Variants in WDR59 observed in about 807,000 individuals in gnomAD.
WDR59 encodes the protein WD repeat domain 59, also known as GATOR2 complex protein WDR59.
In WDR59, 100 loss-of-function variants were observed where a neutral mutation model predicts 131.2. That is an observed-to-expected ratio of 0.76 (90% confidence interval 0.65 to 0.90). The LOEUF is 0.90. Ranked by LOEUF, WDR59 falls within the 40% of genes least tolerant of loss-of-function variation. WDR59 has a pLI of 0.00. For missense variants in WDR59, 1,203 were observed against 1,262.2 expected (o/e 0.95, Z 0.71); for synonymous variants, 601 against 466.2 (o/e 1.29, Z -3.72).
intron 1 of WDR59, among the ~76,000 whole-genome samples, chr16:74,975,368 C>CA (rs1329046629): frequency 3.1e-4 from 45 of 145,942 alleles, no homozygotes; most frequent in South Asian, 2.0e-3. Flanking sequence ...CAAAAAACAA[C>CA]AAAAAAAAAC....
intron 10 of WDR59, among the ~76,000 whole-genome samples, chr16:74,918,593 T>C (rs1966503097): frequency 6.6e-6 from 1 of 152,238 alleles, no homozygotes; most frequent in Non-Finnish European, 1.5e-5. Flanking sequence ...GACTGAATCA[T>C]ATTTTCATCT....
At chr16:74,927,623 A>T (rs1393664589) in intron 8 of WDR59, among the ~76,000 whole-genome samples, 1 of 151,096 alleles carries the variant, frequency 6.6e-6, no homozygotes, top group Non-Finnish European at 1.5e-5. Flanking sequence ...TCCAGGAAGA[A>T]AATAAAAAAA....
At chr16:74,950,861 A>G (rs1468867120) in intron 4 of WDR59, among the ~76,000 whole-genome samples, 1 of 151,968 alleles carries the variant, frequency 6.6e-6, no homozygotes, top group Non-Finnish European at 1.5e-5. Flanking sequence ...TCCTATGTTG[A>G]AAATCAGCTC....
chr16:74,890,387 G>C (rs966930947), intron 20 of WDR59, among the ~76,000 whole-genome samples: 31 of 152,152 alleles, frequency 2.0e-4, no homozygotes, highest in Non-Finnish European at 4.4e-5. Flanking sequence ...CTGGACTCAA[G>C]TGATCCACCT....
chr16:74,911,177 T>C (rs563317294), intron 14 of WDR59, among the ~76,000 whole-genome samples: 2 of 152,206 alleles, frequency 1.3e-5, no homozygotes, highest in South Asian at 2.1e-4. Context: ...GTCTGATTTT[T>C]CACACACAAA....
chr16:74,955,809 A>G (rs2033262720), intron 3 of WDR59, among the ~76,000 whole-genome samples: 1 of 151,622 alleles, frequency 6.6e-6, no homozygotes, highest in African/African-American at 2.4e-5. Context: ...AAAAAGAGCA[A>G]AAAGTTTAGA....
chr16:74,896,957 G>A (rs992754851), intron 18 of WDR59, among the ~76,000 whole-genome samples: 3 of 152,144 alleles, frequency 2.0e-5, no homozygotes, highest in African/African-American at 7.2e-5. Context: ...TTTGAACACA[G>A]GCCTGTCAGG....
chr16:74,969,929 G>A (rs2033915568), intron 1 of WDR59, among the ~76,000 whole-genome samples: 1 of 151,598 alleles, frequency 6.6e-6, no homozygotes, highest in Non-Finnish European at 1.5e-5. Flanking sequence ...GTGGGATTTT[G>A]GGGGGTTTTC....
intron 19 of WDR59, among the ~76,000 whole-genome samples, 184 bp from the exon 20 acceptor site, chr16:74,892,749 T>G (rs1843473399): frequency 6.6e-6 from 1 of 152,222 alleles, no homozygotes; most frequent in South Asian, 2.1e-4. Context: ...GAGCTGAAGC[T>G]AATACATCTG....
chr16:74,959,459 C>A (rs2033459657), intron 2 of WDR59: 1 of 435,282 alleles, frequency 2.3e-6, no homozygotes, highest in Non-Finnish European at 4.5e-6. Flanking sequence ...GGGACTAATG[C>A]AACAGAAAGG....
chr16:74,877,765 G>A (rs1016338264), intron 25 of WDR59, among the ~76,000 whole-genome samples: 8 of 152,096 alleles, frequency 5.3e-5, no homozygotes, highest in African/African-American at 1.7e-4. Context: ...GTCTGGTCTC[G>A]AACTCCTGAC....
intron 18 of WDR59, among the ~76,000 whole-genome samples, chr16:74,902,481 G>A (rs1965599715): frequency 6.6e-6 from 1 of 152,148 alleles, no homozygotes; most frequent in African/African-American, 2.4e-5. Flanking sequence ...AGGCTTAAAA[G>A]AGGCCTCATC....
intron 2 of WDR59, among the ~76,000 whole-genome samples, chr16:74,960,704 C>T (rs1427160833): frequency 6.8e-6 from 1 of 146,352 alleles, no homozygotes; most frequent in Non-Finnish European, 1.5e-5. Context: ...GCCAAGTTTT[C>T]ATCACTGCAC....
intron 3 of WDR59, among the ~76,000 whole-genome samples, chr16:74,954,483 T>C (rs1245898574): frequency 6.6e-6 from 1 of 152,168 alleles, no homozygotes; most frequent in Non-Finnish European, 1.5e-5. Context: ...TATAATTTTT[T>C]TAAAAATACA....
intron 5 of WDR59, 151 bp downstream of exon 5, chr16:74,949,567 A>G (rs1343105021): frequency 1.6e-6 from 1 of 631,224 alleles, no homozygotes; most frequent in Non-Finnish European, 2.8e-6. Flanking sequence ...TGTGTCTTTC[A>G]CTCTCAAATA....
At chr16:74,886,124 G>T in intron 24 of WDR59, 146 bp downstream of exon 24, 1 of 1,040,416 alleles carries the variant, frequency 9.6e-7, no homozygotes, top group Non-Finnish European at 1.3e-6. Context: ...GTTGCAGAGA[G>T]CCGAGATCCC....
At position 74,982,773 on chromosome 16, in the gene WDR59, T is replaced by G. The variant is rs186178762; in HGVS notation, c.54+2191A>C. ...TGGGGGTCCTTAATCCAAATGCTAC[T>G]GCTCAAATTCTCAGTAGAGGCTACT... is the stretch of plus-strand genomic sequence containing the variant. On this transcript the variant is annotated intron_variant, in intron 1 of 25. Transcript: ENST00000262144. Among the ~76,000 whole-genome samples, 697 of 152,286 alleles carry G rather than the reference T, an allele frequency of 4.6e-3. 4 individuals carry two copies. The highest frequency in any genetic ancestry group is 7.5e-3 in the Non-Finnish European group (509 of 68,032).
At chr16:74,924,244 C>G (rs2030553553) in intron 8 of WDR59, among the ~76,000 whole-genome samples, 1 of 152,164 alleles carries the variant, frequency 6.6e-6, no homozygotes, top group South Asian at 2.1e-4. Flanking sequence ...CGCGGCAGGT[C>G]ACTGTCAACA....
intron 11 of WDR59, among the ~76,000 whole-genome samples, chr16:74,916,468 A>T (rs1966392286): frequency 6.6e-6 from 1 of 152,110 alleles, no homozygotes; most frequent in Admixed American, 6.6e-5. Flanking sequence ...AACACTGGAA[A>T]TTTTTTCATC....
Sources: allele counts gnomAD v4.1 joint callset (sites outside exome capture counted in the v4.1 genomes callset), GRCh38; gene constraint gnomAD v4.1.1; transcripts MANE v1.5; gene names NCBI Gene and HGNC (gene_info 2026-07-23, HGNC 2026-07-21).